Variants in ALG5 observed in about 807,000 individuals in gnomAD.
ALG5 encodes the protein dolichyl-phosphate beta-glucosyltransferase.
In ALG5, 26 loss-of-function variants were observed where a neutral mutation model predicts 51.8. The observed-to-expected ratio is 0.50, with a 90% CI of 0.37 to 0.70. The LOEUF is 0.70. ALG5 is among the 30% of genes least tolerant of loss of function. ALG5 has a pLI of 0.00. For missense variants in ALG5, 311 were observed against 399.3 expected (o/e 0.78, Z 1.88); for synonymous variants, 141 against 136.1 (o/e 1.04, Z -0.25).
intron 4 of ALG5, among the ~76,000 whole-genome samples, chr13:36,991,776 T>C (rs781604952): frequency 4.6e-5 from 7 of 152,204 alleles, no homozygotes; most frequent in Non-Finnish European, 8.8e-5. Context: ...TTCTTTTTTT[T>C]TGACACAGGG....
At chr13:36,971,347 T>TA (rs2058922068) in intron 7 of ALG5, among the ~76,000 whole-genome samples, 2 of 152,126 alleles carry the variant, frequency 1.3e-5, no homozygotes, top group African/African-American at 4.8e-5. Context: ...GTTGATTGGT[T>TA]AAAAAATGCA....
intron 8 of ALG5, among the ~76,000 whole-genome samples, chr13:36,956,334 C>G (rs1179585512): frequency 6.6e-6 from 1 of 152,146 alleles, no homozygotes; most frequent in Non-Finnish European, 1.5e-5. Context: ...ACAACAAGCA[C>G]TGGTGAGGAG....
At chr13:36,958,672 G>A (rs142400533) in intron 8 of ALG5, among the ~76,000 whole-genome samples, 1 of 152,292 alleles carries the variant, frequency 6.6e-6, no homozygotes, top group Admixed American at 6.5e-5. Flanking sequence ...GGACTAGCTG[G>A]ATTTCCTAGG....
At chr13:36,967,137 C>T (rs1389864118) in intron 7 of ALG5, among the ~76,000 whole-genome samples, 2 of 151,176 alleles carry the variant, frequency 1.3e-5, no homozygotes, top group South Asian at 2.1e-4. Context: ...GCAGAAGAAT[C>T]GCTTGAACTT....
chr13:36,975,890 G>A (rs1433514484), intron 6 of ALG5, among the ~76,000 whole-genome samples: 6 of 151,316 alleles, frequency 4.0e-5, no homozygotes, highest in Admixed American at 2.0e-4. Flanking sequence ...GCATGGTAGC[G>A]TGCCCCTGTA....
At chr13:36,957,779 C>G (rs1318354679) in intron 8 of ALG5, among the ~76,000 whole-genome samples, 3 of 152,084 alleles carry the variant, frequency 2.0e-5, no homozygotes, top group African/African-American at 4.8e-5. Flanking sequence ...ACCTCCTTAG[C>G]CAAATATCAA....
In ALG5 at chr13:36,949,863, C is replaced by A; in HGVS notation, c.*79G>T. 4.9e-6 allele frequency: 4 copies of A among 808,166 alleles called. No homozygotes were observed. Among genetic ancestry groups the A allele is most frequent in the Non-Finnish European group, 5.6e-6 (3 of 534,824 alleles). The allele number at this position is 808,166 out of a possible 1,614,324, so 50.1% of individuals were successfully genotyped here. A position where few individuals can be genotyped will look rare whatever the true frequency, so the allele number is the denominator to read the frequency against. On this transcript the variant is annotated 3_prime_UTR_variant, in exon 10 of 10. Transcript: ENST00000239891. The stretch of plus-strand genomic sequence containing the variant: ...GACAATGACAAGAAGTTTATTTCAG[C>A]TTTACTTAAAATTTTAGTTTCAAAT...
intron 1 of ALG5, chr13:36,998,934 G>A (rs1451847479): frequency 3.3e-6 from 1 of 304,016 alleles, no homozygotes; most frequent in Non-Finnish European, 6.0e-6. Flanking sequence ...GTGGGTAGGG[G>A]GCGCGGGCGC....
chr13:36,980,318 T>C (rs2058974017), intron 6 of ALG5, among the ~76,000 whole-genome samples: 1 of 152,138 alleles, frequency 6.6e-6, no homozygotes, highest in Non-Finnish European at 1.5e-5. Context: ...CACTGCAACC[T>C]CTGCCTCCCA....
intron 6 of ALG5, among the ~76,000 whole-genome samples, chr13:36,980,714 C>T: frequency 6.6e-6 from 1 of 151,972 alleles, no homozygotes; most frequent in Non-Finnish European, 1.5e-5. Flanking sequence ...GGCCCATGCT[C>T]CTAATCCCCA....
chr13:36,986,351 G>C (rs1206944235), intron 5 of ALG5, among the ~76,000 whole-genome samples: 3 of 152,122 alleles, frequency 2.0e-5, no homozygotes, highest in Non-Finnish European at 4.4e-5. Context: ...GAATTGGCTG[G>C]TCTTTTGTGC....
At chr13:36,954,210 CCTG>C (rs2058830207) in intron 8 of ALG5, among the ~76,000 whole-genome samples, 1 of 152,186 alleles carries the variant, frequency 6.6e-6, no homozygotes, top group Admixed American at 6.5e-5. Flanking sequence ...ACCTTTGCCT[CCTG>C]AACATCTGGG....
At chr13:36,995,396 T>A (rs1280387565) in intron 2 of ALG5, 29 bp downstream of exon 2, 2 of 1,582,918 alleles carry the variant, frequency 1.3e-6, no homozygotes, top group Non-Finnish European at 8.5e-7. Flanking sequence ...CAAACTACCC[T>A]TTACCAAAAA....
intron 6 of ALG5, among the ~76,000 whole-genome samples, chr13:36,981,961 G>C (rs985376018): frequency 6.6e-6 from 1 of 152,098 alleles, no homozygotes; most frequent in African/African-American, 2.4e-5. Flanking sequence ...CATGGTGGCA[G>C]GCGCCTGTAG....
intron 5 of ALG5, among the ~76,000 whole-genome samples, chr13:36,986,024 G>A (rs1254604591): frequency 6.6e-6 from 1 of 152,108 alleles, no homozygotes; most frequent in Non-Finnish European, 1.5e-5. Context: ...AAGATATTCT[G>A]CATCACAAAG....
intron 5 of ALG5, among the ~76,000 whole-genome samples, chr13:36,986,422 TTC>T: frequency 6.6e-6 from 1 of 152,316 alleles, no homozygotes; most frequent in African/African-American, 2.4e-5. Context: ...AACTTTTAAT[TTC>T]TCTGATGTAT....
chr13:36,993,498 T>C (rs1593686944), intron 4 of ALG5, 106 bp downstream of exon 4: 1 of 903,090 alleles, frequency 1.1e-6, no homozygotes, highest in Non-Finnish European at 1.8e-6. Context: ...TGGAGAGTGT[T>C]AGGCACAGCT....
intron 8 of ALG5, among the ~76,000 whole-genome samples, chr13:36,956,328 C>G (rs2058839547): frequency 6.6e-6 from 1 of 152,108 alleles, no homozygotes; most frequent in Admixed American, 6.6e-5. Context: ...GATGACACAA[C>G]AAGCACTGGT....
intron 8 of ALG5, among the ~76,000 whole-genome samples, chr13:36,957,470 C>A (rs557777687): frequency 6.6e-6 from 1 of 152,216 alleles, no homozygotes; most frequent in South Asian, 2.1e-4. Flanking sequence ...GCTTTCAAGG[C>A]TGCGGTAACC....
Sources: gnomAD v4.1 joint callset for allele counts (sites outside exome capture counted in the v4.1 genomes callset) on GRCh38, gnomAD v4.1.1 for gene constraint, MANE v1.5 for transcripts, NCBI Gene and HGNC (gene_info 2026-07-23, HGNC 2026-07-21) for gene names.